DISC1: variants seen among roughly 807,000 people sequenced by gnomAD.
DISC1 encodes the protein DISC1 scaffold protein.
A neutral mutation model predicts 84.5 loss-of-function variants in DISC1; 57 were observed. That is an observed-to-expected ratio of 0.67 (90% CI 0.55 to 0.84). The LOEUF (loss-of-function observed/expected upper bound fraction) is 0.84, where lower values mean the gene tolerates loss of function less well. Among genes scored for constraint, DISC1 ranks in the 40% least tolerant of loss-of-function variants. The pLI, the probability that DISC1 is intolerant of heterozygous loss-of-function variation, is 0.00. For synonymous variants in DISC1, 411 were observed against 415.2 expected, an observed-to-expected ratio of 0.99 and a Z score of 0.12; for missense variants, 1,000 against 1,057.8, an observed-to-expected ratio of 0.95 and a Z score of 0.76.
chr1:231,804,052 A>C (rs2125666769), intron 8 of DISC1, among the ~76,000 whole-genome samples: 1 of 151,602 alleles, frequency 6.6e-6, no homozygotes, highest in Non-Finnish European at 1.5e-5. Flanking sequence ...GCAAGTCACT[A>C]AGTTCAGTTC....
At chr1:231,710,865 G>A (rs955104259) in intron 3 of DISC1, among the ~76,000 whole-genome samples, 3 of 152,126 alleles carry the variant, frequency 2.0e-5, no homozygotes, top group Admixed American at 6.5e-5. Flanking sequence ...TCCAACATAT[G>A]AATATTGCAG....
intron 9 of DISC1, among the ~76,000 whole-genome samples, chr1:231,894,567 T>C (rs555349643): frequency 3.9e-5 from 6 of 152,278 alleles, no homozygotes; most frequent in Non-Finnish European, 5.9e-5. Flanking sequence ...GTGAATGTTT[T>C]CTGTATTTTC....
intron 9 of DISC1, among the ~76,000 whole-genome samples, chr1:231,868,183 G>T (rs1182973299): frequency 6.6e-6 from 1 of 152,166 alleles, no homozygotes; most frequent in African/African-American, 2.4e-5. Flanking sequence ...GTGCTCGGTA[G>T]CACCTGCCCC....
At chr1:231,929,429 C>G (rs1021039799) in intron 9 of DISC1, among the ~76,000 whole-genome samples, 4 of 152,180 alleles carry the variant, frequency 2.6e-5, no homozygotes, top group Admixed American at 1.3e-4. Flanking sequence ...TATTTTTAAC[C>G]CTGAGACGCC....
chr1:231,724,236 G>C (rs535200231), intron 3 of DISC1, among the ~76,000 whole-genome samples: 1 of 152,144 alleles, frequency 6.6e-6, no homozygotes, highest in Non-Finnish European at 1.5e-5. Flanking sequence ...GGCCCTGCCT[G>C]CCTGCGTGGG....
intron 9 of DISC1, among the ~76,000 whole-genome samples, chr1:231,918,166 A>C (rs1335711640): frequency 6.6e-6 from 1 of 151,960 alleles, no homozygotes; most frequent in Non-Finnish European, 1.5e-5. Context: ...GCTCTTCGTC[A>C]TTTTCCCTTT....
rs939759668 is a variant in DISC1 at position 231,861,253 on chromosome 1, A to G, written c.1981+42736A>G. On this transcript the variant is annotated intron_variant, in intron 9 of 12. Coordinates refer to ENST00000439617, the MANE Select transcript of DISC1 (RefSeq NM_018662.3). The stretch of plus-strand genomic sequence containing the variant: ...GTGCTTCGGGTGGAGTGTTTCTTAC[A>G]TTTTGAGGTTAAAAGCCTTTTCTGT... Among the ~76,000 whole-genome samples the G allele has an allele frequency of 9.2e-5, 14 of 152,044 alleles. No homozygotes were observed. In the South Asian group the frequency reaches 1.5e-3, roughly 16 times the overall value.
chr1:231,900,392 C>T (rs1487062713), intron 9 of DISC1, among the ~76,000 whole-genome samples: 1 of 152,194 alleles, frequency 6.6e-6, no homozygotes, highest in Non-Finnish European at 1.5e-5. Context: ...TCATCTAGAT[C>T]TAAGGGAAGG....
intron 10 of DISC1, among the ~76,000 whole-genome samples, chr1:231,988,177 C>A (rs1303485749): frequency 6.6e-6 from 1 of 152,094 alleles, no homozygotes; most frequent in African/African-American, 2.4e-5. Flanking sequence ...CAGAGTGAGA[C>A]CCTGTCTCAA....
chr1:231,785,452 GTATTAT>G (rs528991467), intron 6 of DISC1, among the ~76,000 whole-genome samples: 1 of 151,024 alleles, frequency 6.6e-6, no homozygotes, highest in Admixed American at 6.6e-5. Context: ...GCTAATTTTT[GTATTAT>G]TATTATTATT....
At chr1:231,692,305 T>C (rs982111537) in intron 1 of DISC1, among the ~76,000 whole-genome samples, 1 of 152,232 alleles carries the variant, frequency 6.6e-6, no homozygotes, top group Admixed American at 6.5e-5. Context: ...CGGAATTCTT[T>C]GTACCCCGGG....
At chr1:231,695,523 T>G (rs183198370) in intron 2 of DISC1, among the ~76,000 whole-genome samples, 26 of 152,290 alleles carry the variant, frequency 1.7e-4, no homozygotes, top group Admixed American at 7.2e-4. Flanking sequence ...CAGGTAGAGA[T>G]GCTCTGTGGC....
intron 4 of DISC1, among the ~76,000 whole-genome samples, chr1:231,759,483 G>GT (rs2075429833): frequency 8.9e-6 from 1 of 112,706 alleles, no homozygotes; most frequent in African/African-American, 3.4e-5. Flanking sequence ...GAGACCAAGA[G>GT]TTTGAGACAA....
chr1:231,888,877 C>T (rs2086990162), intron 9 of DISC1, among the ~76,000 whole-genome samples: 1 of 152,094 alleles, frequency 6.6e-6, no homozygotes, highest in African/African-American at 2.4e-5. Context: ...TCTTCCTGGG[C>T]ACTTTCCCCT....
intron 9 of DISC1, among the ~76,000 whole-genome samples, chr1:231,872,682 C>G (rs1394780492): frequency 1.3e-5 from 2 of 151,730 alleles, no homozygotes; most frequent in African/African-American, 4.8e-5. Flanking sequence ...AAAAAAAAAT[C>G]AACTGAGTTT....
At position 231,722,867 on chromosome 1, in the gene DISC1, A is replaced by G. The variant is rs1011878327; in HGVS notation, c.1117+20843A>G. 6 of 1,393,546 alleles carry G rather than the reference A, an allele frequency of 4.3e-6. No homozygotes were observed. The South Asian group carries it at 6.2e-5, about 14-fold the overall frequency. The allele number at this position is 1,393,546 out of a possible 1,614,324, so 86.3% of individuals were successfully genotyped here. A position where few individuals can be genotyped will look rare whatever the true frequency, so the allele number is the denominator to read the frequency against. ...CCCATGCGTTTCCCAGTCCCCTGTC[A>G]TGGCATGAAAAAACCGCTATTGTTC... is the stretch of plus-strand genomic sequence containing the variant. On this transcript the variant is annotated intron_variant, in intron 3 of 12. Coordinates refer to ENST00000439617, the MANE Select transcript of DISC1 (RefSeq NM_018662.3).
intron 9 of DISC1, among the ~76,000 whole-genome samples, chr1:231,883,714 A>G (rs1042149780): frequency 6.6e-6 from 1 of 152,082 alleles, no homozygotes; most frequent in Non-Finnish European, 1.5e-5. Flanking sequence ...CAAGGTAAGG[A>G]TGAGGATTTC....
chr1:231,716,654 A>G (rs1303499058), intron 3 of DISC1, among the ~76,000 whole-genome samples: 2 of 152,170 alleles, frequency 1.3e-5, no homozygotes, highest in Non-Finnish European at 2.9e-5. Flanking sequence ...AAGACTGAAG[A>G]AAGAGAGGTT....
chr1:231,680,159 C>T (rs951229834), intron 1 of DISC1, among the ~76,000 whole-genome samples: 10 of 152,022 alleles, frequency 6.6e-5, no homozygotes, highest in South Asian at 2.1e-4. Context: ...ACACAGGGGG[C>T]GGAGGCTGTA....
Sources: allele counts gnomAD v4.1 joint callset (sites outside exome capture counted in the v4.1 genomes callset), GRCh38; gene constraint gnomAD v4.1.1; transcripts MANE v1.5; gene names NCBI Gene and HGNC (gene_info 2026-07-23, HGNC 2026-07-21).